Variants in CNTN4 observed in about 807,000 individuals in gnomAD.
The protein encoded by CNTN4 is contactin-4.
In CNTN4, 77 loss-of-function variants were observed where a neutral mutation model predicts 122.5. That is an observed-to-expected ratio of 0.63 (90% confidence interval 0.52 to 0.76). The LOEUF (loss-of-function observed/expected upper bound fraction) is 0.76. CNTN4 is among the 30% of genes least tolerant of loss of function. The probability of loss-of-function intolerance (pLI) is 0.00; values close to 1 mark genes in which losing one functional copy is unlikely to be tolerated. For missense variants in CNTN4, 1,256 were observed against 1,259.1 expected (o/e 1.00, Z 0.04); for synonymous variants, 512 against 447.0 (o/e 1.15, Z -1.83).
At chr3:2,442,289 G>T (rs935012157) in intron 3 of CNTN4, among the ~76,000 whole-genome samples, 37 of 151,930 alleles carry the variant, frequency 2.4e-4, no homozygotes, top group African/African-American at 8.5e-4. Context: ...TTTTACAATT[G>T]TCTGGAACTG....
At chr3:2,616,612 C>G (rs1374057925) in intron 4 of CNTN4, among the ~76,000 whole-genome samples, 2 of 152,168 alleles carry the variant, frequency 1.3e-5, no homozygotes, top group African/African-American at 4.8e-5. Flanking sequence ...AAAAGCATTC[C>G]TATTTCTCCA....
chr3:2,669,401 G>T (rs1296184214), intron 4 of CNTN4, among the ~76,000 whole-genome samples: 1 of 152,198 alleles, frequency 6.6e-6, no homozygotes, highest in African/African-American at 2.4e-5. Flanking sequence ...AGTATTCTCT[G>T]ATGGTAGTTT....
chr3:2,196,330 C>A (rs1008088706), intron 2 of CNTN4, among the ~76,000 whole-genome samples: 1 of 151,982 alleles, frequency 6.6e-6, no homozygotes, highest in African/African-American at 2.4e-5. Flanking sequence ...TTCTGTGAAC[C>A]CTACTGTGAA....
At chr3:2,926,901 T>C (rs2094478265) in intron 13 of CNTN4, among the ~76,000 whole-genome samples, 1 of 152,204 alleles carries the variant, frequency 6.6e-6, no homozygotes, top group African/African-American at 2.4e-5. Flanking sequence ...TGACATGGCA[T>C]TCAAATTTGT....
intron 2 of CNTN4, among the ~76,000 whole-genome samples, chr3:2,191,542 C>T (rs2037545886): frequency 6.6e-6 from 1 of 152,008 alleles, no homozygotes. Context: ...CTAGGTTGAT[C>T]CCTCTCTTCC....
intron 8 of CNTN4, among the ~76,000 whole-genome samples, chr3:2,869,427 G>A (rs372824510): frequency 3.3e-4 from 50 of 152,294 alleles, no homozygotes; most frequent in South Asian, 6.2e-4. Context: ...GGGAGACAGT[G>A]GAAGAGAAAA....
chr3:3,000,966 A>T (rs1487911575), intron 14 of CNTN4, among the ~76,000 whole-genome samples: 1 of 149,370 alleles, frequency 6.7e-6, no homozygotes, highest in African/African-American at 2.5e-5. Context: ...GCTAATTTTG[A>T]GTAATATATT....
intron 2 of CNTN4, among the ~76,000 whole-genome samples, chr3:2,188,588 A>T (rs747786547): frequency 4.6e-5 from 7 of 152,224 alleles, no homozygotes; most frequent in East Asian, 1.9e-4. Flanking sequence ...GAGAAACTGT[A>T]CCCATTTCTG....
At chr3:2,592,668 C>T (rs1260259452) in intron 4 of CNTN4, among the ~76,000 whole-genome samples, 1 of 152,142 alleles carries the variant, frequency 6.6e-6, no homozygotes, top group Non-Finnish European at 1.5e-5. Flanking sequence ...GTGAGGCCTC[C>T]CCAGACACGT....
At chr3:2,918,740 C>G (rs2094396028) in intron 12 of CNTN4, among the ~76,000 whole-genome samples, 1 of 152,182 alleles carries the variant, frequency 6.6e-6, no homozygotes, top group African/African-American at 2.4e-5. Context: ...GTAGTATAAA[C>G]AGCCCATGTG....
chr3:2,413,048 A>G (rs893953264), intron 3 of CNTN4, among the ~76,000 whole-genome samples: 6 of 152,220 alleles, frequency 3.9e-5, no homozygotes, highest in Admixed American at 1.3e-4. Flanking sequence ...GCAGGATTCC[A>G]TATGATTCTA....
intron 12 of CNTN4, among the ~76,000 whole-genome samples, chr3:2,920,489 T>C (rs76538500): frequency 0.13 from 19,168 of 151,698 alleles, 1,379 homozygotes; most frequent in Middle Eastern, 0.16. Flanking sequence ...GATGTAACCA[T>C]TGGGGGAGAC....
intron 3 of CNTN4, among the ~76,000 whole-genome samples, chr3:2,451,923 G>T (rs2048844449): frequency 6.6e-6 from 1 of 152,020 alleles, no homozygotes; most frequent in Non-Finnish European, 1.5e-5. Flanking sequence ...AGAACTCAGG[G>T]CACACATTAA....
intron 4 of CNTN4, among the ~76,000 whole-genome samples, chr3:2,703,608 A>G (rs1041239695): frequency 2.6e-5 from 4 of 152,174 alleles, no homozygotes; most frequent in Admixed American, 1.3e-4. Context: ...GAAATTCCAC[A>G]TATTAGCATA....
intron 6 of CNTN4, among the ~76,000 whole-genome samples, chr3:2,749,313 A>G (rs988890923): frequency 7.0e-6 from 1 of 143,884 alleles, no homozygotes; most frequent in Admixed American, 7.1e-5. Flanking sequence ...GGCTCACACC[A>G]CCATGCCCAG....
At chr3:2,425,976 A>G (rs1006021302) in intron 3 of CNTN4, among the ~76,000 whole-genome samples, 29 of 152,112 alleles carry the variant, frequency 1.9e-4, no homozygotes, top group Admixed American at 2.0e-4. Context: ...GGCTGAGACA[A>G]TGGGATTTTC....
chr3:2,903,272 T>C (rs559514550), intron 12 of CNTN4, among the ~76,000 whole-genome samples: 113 of 152,354 alleles, frequency 7.4e-4, no homozygotes, highest in Non-Finnish European at 1.4e-3. Context: ...CACTTCTAAA[T>C]TGAGCAAAGT....
chr3:2,747,158 C>T (rs969640256), intron 6 of CNTN4, among the ~76,000 whole-genome samples: 2 of 151,906 alleles, frequency 1.3e-5, no homozygotes, highest in South Asian at 2.1e-4. Context: ...GCCTGTAATC[C>T]CAGCATTTTG....
intron 3 of CNTN4, among the ~76,000 whole-genome samples, chr3:2,373,011 C>T (rs1205470389): frequency 1.3e-5 from 2 of 152,186 alleles, no homozygotes; most frequent in Non-Finnish European, 2.9e-5. Flanking sequence ...CTCACCACTG[C>T]ACCCCATCCT....
Sources: gnomAD v4.1 joint callset for allele counts (sites outside exome capture counted in the v4.1 genomes callset) on GRCh38, gnomAD v4.1.1 for gene constraint, MANE v1.5 for transcripts, NCBI Gene and HGNC (gene_info 2026-07-23, HGNC 2026-07-21) for gene names.